Variants in RIMBP2 observed in about 807,000 individuals in gnomAD.
RIMBP2 encodes RIMS binding protein 2, also known as RIMS-binding protein 2.
RIMBP2 carries 48 observed loss-of-function variants against 118.6 expected under a neutral mutation model. That is an observed-to-expected ratio of 0.40 (90% CI 0.32 to 0.51). RIMBP2 has a LOEUF of 0.51. Ranked by LOEUF, RIMBP2 falls within the 20% of genes least tolerant of loss-of-function variation. The pLI is 0.41. For synonymous variants in RIMBP2, 762 were observed against 742.9 expected, an observed-to-expected ratio of 1.03 and a Z score of -0.42; for missense variants, 1,551 against 1,768.3, an observed-to-expected ratio of 0.88 and a Z score of 2.20.
chr12:130,483,789 C>T (rs527927788), intron 4 of RIMBP2, among the ~76,000 whole-genome samples: 60 of 146,674 alleles, frequency 4.1e-4, no homozygotes, highest in African/African-American at 1.2e-3. Flanking sequence ...ACACAGTGCC[C>T]GGAGCCCCCG....
intron 1 of RIMBP2, among the ~76,000 whole-genome samples, chr12:130,643,490 C>T (rs946321176): frequency 6.0e-4 from 91 of 152,290 alleles, no homozygotes; most frequent in Admixed American, 1.8e-3. Flanking sequence ...GGACTGGGGA[C>T]AGGAGAGCTG....
At chr12:130,425,017 G>A (rs2076689236) in intron 15 of RIMBP2, 159 bp from the exon 16 acceptor site, 1 of 418,650 alleles carries the variant, frequency 2.4e-6, no homozygotes, top group Admixed American at 4.4e-5. Context: ...GCCGTGGAGG[G>A]CTCTGCAATG....
At chr12:130,681,237 A>G (rs1212420316) in intron 1 of RIMBP2, among the ~76,000 whole-genome samples, 1 of 152,176 alleles carries the variant, frequency 6.6e-6, no homozygotes, top group African/African-American at 2.4e-5. Context: ...TGAGGTCAGG[A>G]GTTCAAGAAC....
At chr12:130,648,883 T>C (rs1436746694) in intron 1 of RIMBP2, among the ~76,000 whole-genome samples, 5 of 145,792 alleles carry the variant, frequency 3.4e-5, no homozygotes, top group African/African-American at 1.2e-4. Flanking sequence ...CTCGAACTCC[T>C]GACCTCAGGT....
intron 7 of RIMBP2, among the ~76,000 whole-genome samples, chr12:130,453,287 C>T (rs1291967696): frequency 2.6e-5 from 4 of 152,198 alleles, no homozygotes; most frequent in African/African-American, 7.2e-5. Context: ...ATACAGGGCG[C>T]GAGTCCCTTT....
rs184853932 is a variant in RIMBP2, at chr12:130,552,905, C to T, written c.-216-34988G>A. ...TGGTGGCTCACACCTATAATCCCAG[C>T]ACTTGGGGAGGCCGAGGCAGGCGGA... is the stretch of plus-strand genomic sequence containing the variant. On this transcript the variant is annotated intron_variant, in intron 2 of 22. Transcript: ENST00000690449. Among the ~76,000 whole-genome samples, 111 of 152,224 alleles carry T rather than the reference C, an allele frequency of 7.3e-4. No individual in the cohort carries two copies. The Middle Eastern group carries it at 0.02, about 28-fold the overall frequency.
At position 130,451,343 on chromosome 12, in the gene RIMBP2, G is replaced by A; in HGVS notation, c.359-3C>T. The stretch of plus-strand genomic sequence containing the variant: ...GCCTCCAATAGCGCTCTCCTGACCT[G>A]GCCACGAACATTAAAACAAGTTGAA... On this transcript the variant is annotated splice_polypyrimidine_tract_variant and splice_region_variant and intron_variant, in intron 7 of 22. Transcript: ENST00000690449. 1 of 1,596,324 alleles carries A rather than the reference G, an allele frequency of 6.3e-7. No individual in the cohort carries two copies. Among genetic ancestry groups the A allele is most frequent in the African/African-American group, 1.3e-5 (1 of 74,490 alleles).
intron 1 of RIMBP2, among the ~76,000 whole-genome samples, chr12:130,646,358 A>ACCACTTCCCTCT (rs2062952920): frequency 2.3e-5 from 1 of 42,870 alleles, no homozygotes; most frequent in African/African-American, 1.4e-4. Flanking sequence ...CACCTCCCTC[A>ACCACTTCCCTCT]CCACCTCCCT....
chr12:130,582,630 A>G (rs2058554048), intron 2 of RIMBP2, among the ~76,000 whole-genome samples: 1 of 152,204 alleles, frequency 6.6e-6, no homozygotes, highest in Non-Finnish European at 1.5e-5. Flanking sequence ...CCTTCGCTTG[A>G]TCTAGACCAG....
chr12:130,634,016 C>T (rs952332307), intron 1 of RIMBP2, among the ~76,000 whole-genome samples: 2 of 152,180 alleles, frequency 1.3e-5, no homozygotes, highest in Non-Finnish European at 2.9e-5. Context: ...ATTCAATCTG[C>T]GAATGGGAGC....
At chr12:130,486,547 C>T (rs1031938072) in intron 4 of RIMBP2, among the ~76,000 whole-genome samples, 11 of 151,520 alleles carry the variant, frequency 7.3e-5, no homozygotes, top group South Asian at 2.1e-4. Context: ...TTAGCCTGTC[C>T]GAAATAGAAT....
chr12:130,664,447 G>GTGCATGCTCA (rs1566439284), intron 1 of RIMBP2, among the ~76,000 whole-genome samples: 1 of 122,414 alleles, frequency 8.2e-6, no homozygotes, highest in Non-Finnish European at 1.8e-5. Flanking sequence ...ACGCACACAC[G>GTGCATGCTCA]CACACACATG....
At chr12:130,534,909 A>G (rs1566215564) in intron 2 of RIMBP2, among the ~76,000 whole-genome samples, 1 of 152,246 alleles carries the variant, frequency 6.6e-6, no homozygotes, top group Non-Finnish European at 1.5e-5. Flanking sequence ...GCTGTGGTCC[A>G]TGAGGAACAT....
Position 130,442,684 on chromosome 12 carries a change from A to T in RIMBP2, c.692-24T>A, listed in dbSNP as rs998734294. ...TCCTGTTGGGTACAAGGACAGAGTT[A>T]TCACCCAGCCAACACAGCAGGGGCC... is the stretch of plus-strand genomic sequence containing the variant. On this transcript the variant is annotated intron_variant, in intron 10 of 22. Transcript: ENST00000690449. This position sits in a 1 kb window ranked among gnomAD's most constrained non-coding sequence, Gnocchi z 6.9. 2.5e-6 allele frequency: 4 copies of T among 1,597,496 alleles called. No homozygotes were observed.
chr12:130,522,953 T>C (rs1465254501), intron 2 of RIMBP2, among the ~76,000 whole-genome samples: 2 of 152,034 alleles, frequency 1.3e-5, no homozygotes, highest in Admixed American at 1.3e-4. Context: ...GCTGCCTGCC[T>C]CTCTTTCCCC....
chr12:130,715,199 G>A (rs1164771711), intron 1 of RIMBP2, among the ~76,000 whole-genome samples: 1 of 152,232 alleles, frequency 6.6e-6, no homozygotes, highest in Non-Finnish European at 1.5e-5. Flanking sequence ...GGGCTCCTCC[G>A]TGAGAGAAAT....
chr12:130,515,741 A>G (rs1267907708), intron 3 of RIMBP2, among the ~76,000 whole-genome samples: 1 of 151,826 alleles, frequency 6.6e-6, no homozygotes, highest in African/African-American at 2.4e-5. Flanking sequence ...TCTGTTGCCC[A>G]GGCTGGAGTG....
chr12:130,678,036 A>C (rs1378735076), intron 1 of RIMBP2, among the ~76,000 whole-genome samples: 1 of 152,192 alleles, frequency 6.6e-6, no homozygotes, highest in African/African-American at 2.4e-5. Flanking sequence ...TCTTCTTGGC[A>C]GAACAAAGGA....
intron 3 of RIMBP2, among the ~76,000 whole-genome samples, chr12:130,510,144 A>T (rs144443153): frequency 6.6e-6 from 1 of 152,224 alleles, no homozygotes; most frequent in Non-Finnish European, 1.5e-5. Context: ...CCTGGAAAGA[A>T]ATCACCGGGC....
Sources: allele counts gnomAD v4.1 joint callset (sites outside exome capture counted in the v4.1 genomes callset), GRCh38; gene constraint gnomAD v4.1.1; non-coding constraint Gnocchi (gnomAD v3.1); transcripts MANE v1.5; gene names NCBI Gene and HGNC (gene_info 2026-07-23, HGNC 2026-07-21).